The following UTP4 variants were observed in gnomAD, a reference collection of about 807,000 sequenced individuals.
The protein encoded by UTP4 is UTP4 small subunit processome component.
Under a neutral mutation model 82.4 loss-of-function variants are expected in UTP4, and 45 were observed. The observed-to-expected ratio is 0.55, with a 90% CI of 0.43 to 0.70. The LOEUF (loss-of-function observed/expected upper bound fraction) is 0.70. Ranked by LOEUF, UTP4 falls within the 30% of genes least tolerant of loss-of-function variation. The pLI, the probability that UTP4 is intolerant of heterozygous loss-of-function variation, is 0.00. For missense variants in UTP4, 819 were observed against 858.3 expected (o/e 0.95, Z 0.57); for synonymous variants, 348 against 300.3 (o/e 1.16, Z -1.64).
chr16:69,167,176 G>A lies in UTP4; in HGVS notation c.1935G>A (p.Lys645=). Reference sequence around the variant, plus strand: ...CAGCTCATGCTTTTAAAATTTCTAAGATATATAAGGTAAAACATCTTGTGT... The same window carrying A: ...CAGCTCATGCTTTTAAAATTTCTAAAATATATAAGGTAAAACATCTTGTGT... The part of the protein sequence containing the change: ...RRTAHAFKIS[K]IYKPLLFMDL... The change falls in exon 16 of 17, where the codon AAG becomes AAA. Residue 645 remains lysine, a synonymous_variant. Transcript: ENST00000314423. 6.3e-7 allele frequency: 1 copy of A among 1,595,748 alleles called. No individual in the cohort carries two copies. The highest frequency in any genetic ancestry group is 1.1e-5 in the South Asian group (1 of 90,762).
intron 6 of UTP4, among the ~76,000 whole-genome samples, chr16:69,146,730 C>T (rs908533052): frequency 1.6e-4 from 24 of 152,130 alleles, no homozygotes; most frequent in South Asian, 2.1e-4. Flanking sequence ...GGCGCGGTGG[C>T]TCACGCCTGT....
At chr16:69,152,210 A>C (rs535135900) in intron 8 of UTP4, among the ~76,000 whole-genome samples, 1 of 152,036 alleles carries the variant, frequency 6.6e-6, no homozygotes, top group East Asian at 1.9e-4. Context: ...GTTCCTTTAC[A>C]GTAGCTTCTT....
chr16:69,145,559 TTTTC>T (rs1963087257), intron 6 of UTP4, among the ~76,000 whole-genome samples: 1 of 152,072 alleles, frequency 6.6e-6, no homozygotes. Flanking sequence ...GGCTTTTTCT[TTTTC>T]TTTTTCTTTT....
Position 69,143,181 on chromosome 16 carries a change from G to A in UTP4, c.530G>A (p.Ser177Asn), listed in dbSNP as rs773801481. The change falls in exon 6 of 17, where the codon AGC becomes AAC. Residue 177 changes from serine (S) to asparagine (N), a missense_variant. Physicochemically the swap from Ser to Asn is conservative, Grantham distance 46. Coordinates refer to ENST00000314423, the MANE Select transcript of UTP4 (RefSeq NM_032830.3). ...GTGTGCTTTTCTGATTTTTCAGGCA[G>A]CGCTGTTCATAAGATGATTGTGGAC... Reference protein sequence around the residue: ...YISVFDVKSGSAVHKMIVDRQ... With the variant: ...YISVFDVKSGNAVHKMIVDRQ... 1.4e-5 allele frequency: 23 copies of A among 1,614,012 alleles called. No individual in the cohort carries two copies. The South Asian group carries it at 2.4e-4, about 17-fold the overall frequency.
Position 69,137,774 on chromosome 16 carries a change from T to C in UTP4, c.352-27T>C, listed in dbSNP as rs781357188. 1.2e-4 allele frequency: 166 copies of C among 1,370,428 alleles called. No individual in the cohort carries two copies. In the Admixed American group the frequency reaches 2.7e-3, roughly 22 times the overall value. 84.9% of individuals were successfully genotyped at this position (1,370,428 alleles called of 1,614,324 possible). A position where few individuals can be genotyped will look rare whatever the true frequency, so the allele number is the denominator to read the frequency against. On this transcript the variant is annotated intron_variant, in intron 3 of 16. Transcript: ENST00000314423. ...TATAAAATGTTTACTATTGATTTTT[T>C]CTGTTTACTACCTCTTTCTCAAATA... is the stretch of plus-strand genomic sequence containing the variant.
At chr16:69,159,970 G>A (rs1363874003) in intron 12 of UTP4, among the ~76,000 whole-genome samples, 1 of 149,444 alleles carries the variant, frequency 6.7e-6, no homozygotes, top group East Asian at 1.9e-4. Flanking sequence ...GAGTGACAGA[G>A]CTAGACTCCA....
intron 4 of UTP4, among the ~76,000 whole-genome samples, chr16:69,138,734 G>C (rs550204424): frequency 4.1e-4 from 63 of 152,312 alleles, no homozygotes; most frequent in African/African-American, 1.4e-3. Context: ...TGCCAACTCT[G>C]TCAGTGTAGT....
chr16:69,163,965 A>G (rs2152283990), intron 14 of UTP4, among the ~76,000 whole-genome samples: 1 of 147,544 alleles, frequency 6.8e-6, no homozygotes, highest in African/African-American at 2.5e-5. Flanking sequence ...CGATCACTGC[A>G]AGCTCCGCCT....
At position 69,136,828 on chromosome 16, in the gene UTP4, G is replaced by C. The variant is rs983219640; in HGVS notation, c.292G>C (p.Asp98His). 2.0e-5 allele frequency: 32 copies of C among 1,614,032 alleles called. No individual in the cohort carries two copies. The highest frequency in any genetic ancestry group is 2.6e-5 in the Non-Finnish European group (31 of 1,180,030). ...LQALNIKYAM[D>H]AFGGPIWSMA... is the part of the protein sequence containing the mutation. Reference sequence around the variant, plus strand: ...GGCGTTAAACATCAAGTATGCTATGGATGCCTTTGGAGGACCTATTTGGAG... The same window carrying C: ...GGCGTTAAACATCAAGTATGCTATGCATGCCTTTGGAGGACCTATTTGGAG... Residue 98 changes from aspartate (D) to histidine (H), a missense_variant, in exon 3 of 17, where the codon GAT becomes CAT. Coordinates refer to ENST00000314423, the MANE Select transcript of UTP4 (RefSeq NM_032830.3).
At chr16:69,151,009 C>CTTTT in intron 8 of UTP4, 105 bp downstream of exon 8, 1 of 706,450 alleles carries the variant, frequency 1.4e-6, no homozygotes, top group Non-Finnish European at 2.4e-6. Flanking sequence ...ATTTGTAGGA[C>CTTTT]TTTTTTTTTT....
In UTP4 at chr16:69,136,807, T is replaced by A; in HGVS notation, c.271T>A (p.Leu91Ile). 6.2e-7 allele frequency: 1 copy of A among 1,614,182 alleles called. No individual in the cohort carries two copies. Among genetic ancestry groups the A allele is most frequent in the Non-Finnish European group, 8.5e-7 (1 of 1,180,012 alleles). ...GATTATGGAGTATGATTTACAGGCG[T>A]TAAACATCAAGTATGCTATGGATGC... ...GEIMEYDLQA[L>I]NIKYAMDAFG... The change falls in exon 3 of 17, where the codon TTA becomes ATA. Residue 91 changes from leucine (L) to isoleucine (I), a missense_variant. Coordinates refer to ENST00000314423, the MANE Select transcript of UTP4 (RefSeq NM_032830.3).
At chr16:69,163,031 T>G in intron 13 of UTP4, 52 bp from the exon 14 acceptor site, 4 of 1,344,758 alleles carry the variant, frequency 3.0e-6, no homozygotes, top group Non-Finnish European at 4.3e-6. Context: ...CAATCTTTGC[T>G]GAGGAAAAGT....
At chr16:69,136,925 C>G in intron 3 of UTP4, 38 bp downstream of exon 3, 1 of 1,557,880 alleles carries the variant, frequency 6.4e-7, no homozygotes, top group Non-Finnish European at 8.9e-7. Flanking sequence ...ACCAAAATTT[C>G]TCTCGTGCCT....
In UTP4 at chr16:69,152,580, C is replaced by T. The variant is rs565394724; in HGVS notation, c.1003-1004C>T. Among the ~76,000 whole-genome samples, 4 of 151,286 alleles carry T rather than the reference C, an allele frequency of 2.6e-5. No individual in the cohort carries two copies. In the South Asian group the frequency reaches 8.4e-4, roughly 32 times the overall value. ...AGTCTCCTGGGTTCAAGCGATTCTC[C>T]TGCCTCAGCCTCCCTAGTAGCTGGG... On this transcript the variant is annotated intron_variant, in intron 8 of 16. Transcript: ENST00000314423.
At chr16:69,155,730 T>C in intron 10 of UTP4, 141 bp from the exon 11 acceptor site, 1 of 887,176 alleles carries the variant, frequency 1.1e-6, no homozygotes, top group Non-Finnish European at 1.9e-6. Context: ...ATCATATTAA[T>C]GCAGACCACA....
At position 69,160,583 on chromosome 16, in the gene UTP4, ATTTTC is replaced by A. The variant is rs1409768252; in HGVS notation, c.1551+136_1551+140del. ...AAATTTATTAGACTTTTTTCTTTTT[ATTTTC>A]TTTTCTTTTCTTTTTTTTTTTTTTT... On this transcript the variant is annotated intron_variant, in intron 13 of 16. Coordinates refer to ENST00000314423, the MANE Select transcript of UTP4 (RefSeq NM_032830.3). 213 of 687,442 alleles carry A rather than the reference ATTTTC, an allele frequency of 3.1e-4. 2 individuals carry two copies. In the African/African-American group the frequency reaches 3.3e-3, roughly 11 times the overall value. The allele number at this position is 687,442 out of a possible 1,614,324, so 42.6% of individuals were successfully genotyped here. A position where few individuals can be genotyped will look rare whatever the true frequency, so the allele number is the denominator to read the frequency against.
At chr16:69,139,778 A>G (rs774908228) in intron 4 of UTP4, 47 bp from the exon 5 acceptor site, 9 of 1,258,318 alleles carry the variant, frequency 7.2e-6, no homozygotes, top group East Asian at 2.3e-5. Context: ...TACTCTTCGT[A>G]TATTTATGTG....
At chr16:69,137,208 A>G (rs1275280437) in intron 3 of UTP4, among the ~76,000 whole-genome samples, 1 of 152,224 alleles carries the variant, frequency 6.6e-6, no homozygotes, top group Non-Finnish European at 1.5e-5. Context: ...TCACAAATAC[A>G]GCATATTTAA....
intron 11 of UTP4, among the ~76,000 whole-genome samples, chr16:69,156,475 T>TGA: frequency 1.3e-5 from 2 of 150,382 alleles, no homozygotes; most frequent in Non-Finnish European, 3.0e-5. Flanking sequence ...TTTTTTTTTT[T>TGA]TTGACCGAGT....
Sources: gnomAD v4.1 joint callset for allele counts (sites outside exome capture counted in the v4.1 genomes callset) on GRCh38, gnomAD v4.1.1 for gene constraint, MANE v1.5 for transcripts, NCBI Gene and HGNC (gene_info 2026-07-23, HGNC 2026-07-21) for gene names.